The following SFMBT2 variants were observed in gnomAD, a reference collection of about 807,000 sequenced individuals.
SFMBT2 encodes scm-like with four MBT domains protein 2.
Under a neutral mutation model 110.1 loss-of-function variants are expected in SFMBT2, and 38 were observed. The observed-to-expected ratio is 0.35, with a 90% CI of 0.27 to 0.45. The LOEUF (loss-of-function observed/expected upper bound fraction) is 0.45, where lower values mean the gene tolerates loss of function less well. Among genes scored for constraint, SFMBT2 ranks in the 20% least tolerant of loss-of-function variants. The pLI is 1.00. For synonymous variants in SFMBT2, 425 were observed against 425.4 expected, an observed-to-expected ratio of 1.00 and a Z score of 0.01; for missense variants, 1,011 against 1,094.9, an observed-to-expected ratio of 0.92 and a Z score of 1.08.
intron 1 of SFMBT2, among the ~76,000 whole-genome samples, chr10:7,383,746 G>A (rs1316387999): frequency 2.6e-5 from 4 of 152,176 alleles, no homozygotes; most frequent in Non-Finnish European, 4.4e-5. Flanking sequence ...CACTTTCTCA[G>A]CACAGGGCCT....
In SFMBT2 at chr10:7,176,149, ATG is replaced by A; in HGVS notation, c.1823_1824del (p.Thr608IlefsTer12). 1 of 1,614,218 alleles carries A rather than the reference ATG, an allele frequency of 6.2e-7. No individual in the cohort carries two copies. Among genetic ancestry groups the A allele is most frequent in the South Asian group, 1.1e-5 (1 of 91,078 alleles). ...ETLKAKYRGK[T>X]YRAVVKIVRT... ...CGTACGATTTTGACCACAGCCCTGTATGTTTTGCCTCTGTATCTAGAAAATAG... is the reference window on the plus strand; with the variant it reads ...CGTACGATTTTGACCACAGCCCTGTATTTTGCCTCTGTATCTAGAAAATAG... On this transcript the variant is annotated frameshift_variant, in exon 17 of 21. Transcript: ENST00000397167. LOFTEE classifies it high-confidence loss of function.
At chr10:7,353,508 C>A (rs1017101333) in intron 4 of SFMBT2, among the ~76,000 whole-genome samples, 13 of 135,688 alleles carry the variant, frequency 9.6e-5, no homozygotes, top group Admixed American at 5.9e-4. Flanking sequence ...AAAAAAAAAA[C>A]ATCTTAATGG....
At chr10:7,296,727 C>T (rs1338140533) in intron 4 of SFMBT2, among the ~76,000 whole-genome samples, 1 of 152,186 alleles carries the variant, frequency 6.6e-6, no homozygotes. Context: ...AATGCGACTC[C>T]GGATTTTTCT....
At chr10:7,179,680 G>T (rs1267282454) in intron 16 of SFMBT2, among the ~76,000 whole-genome samples, 1 of 152,204 alleles carries the variant, frequency 6.6e-6, no homozygotes, top group Non-Finnish European at 1.5e-5. Context: ...GCAGAACAAG[G>T]CTCAAAGATG....
At chr10:7,189,709 C>T (rs1838537654) in intron 15 of SFMBT2, among the ~76,000 whole-genome samples, 1 of 152,198 alleles carries the variant, frequency 6.6e-6, no homozygotes, top group Non-Finnish European at 1.5e-5. Context: ...ACGCAGTGCC[C>T]ATGCCTCCTG....
chr10:7,186,578 G>C (rs1838419213), intron 16 of SFMBT2, among the ~76,000 whole-genome samples: 1 of 151,958 alleles, frequency 6.6e-6, no homozygotes, highest in Non-Finnish European at 1.5e-5. Flanking sequence ...CCAAAGTGCA[G>C]GGATTACAGT....
intron 1 of SFMBT2, among the ~76,000 whole-genome samples, chr10:7,395,574 C>T (rs796321235): frequency 3.3e-5 from 5 of 152,292 alleles, no homozygotes; most frequent in African/African-American, 1.2e-4. Context: ...TGCTAGACTT[C>T]TTCAATTTCC....
At position 7,204,218 on chromosome 10, in the gene SFMBT2, T is replaced by G. The variant is rs137912845; in HGVS notation, c.1444+1597A>C. 1,301 of 451,756 alleles carry G rather than the reference T, an allele frequency of 2.9e-3. 6 individuals carry two copies. Among genetic ancestry groups the G allele is most frequent in the Middle Eastern group, 0.02 (18 of 900 alleles). 28.0% of individuals were successfully genotyped at this position (451,756 alleles called of 1,614,324 possible). A position where few individuals can be genotyped will look rare whatever the true frequency, so the allele number is the denominator to read the frequency against. The stretch of plus-strand genomic sequence containing the variant: ...CTCTAATCTGAACTACCTGCTTGTT[T>G]CACACACATAATGTCCTCTGGTGCT... On this transcript the variant is annotated intron_variant, in intron 12 of 20. Transcript: ENST00000397167.
chr10:7,365,463 G>A (rs551476684), intron 4 of SFMBT2, among the ~76,000 whole-genome samples: 4 of 152,222 alleles, frequency 2.6e-5, no homozygotes, highest in African/African-American at 4.8e-5. Context: ...CAGGCAGCAC[G>A]TGCTAGAGCT....
intron 15 of SFMBT2, among the ~76,000 whole-genome samples, chr10:7,190,074 G>A (rs935816329): frequency 2.6e-5 from 4 of 152,110 alleles, no homozygotes; most frequent in East Asian, 1.9e-4. Context: ...GCCCGGCGAC[G>A]GCCTTTTCTC....
chr10:7,197,696 G>GA lies in SFMBT2; in HGVS notation c.1559-10dup. ...TTTCCCGTTGACGGTTCCTGCAGGGGACAGCAACATAGTCCATGCTTAGGA... is the reference window on the plus strand; with the variant it reads ...TTTCCCGTTGACGGTTCCTGCAGGGGAACAGCAACATAGTCCATGCTTAGGA... On this transcript the variant is annotated splice_polypyrimidine_tract_variant and intron_variant, in intron 14 of 20. Transcript: ENST00000397167. 6.2e-7 allele frequency: 1 copy of GA among 1,613,364 alleles called. No homozygotes were observed. The highest frequency in any genetic ancestry group is 8.5e-7 in the Non-Finnish European group (1 of 1,179,832).
At chr10:7,344,958 CAAAAAAAAAA>C (rs35145669) in intron 4 of SFMBT2, among the ~76,000 whole-genome samples, 1 of 53,244 alleles carries the variant, frequency 1.9e-5, no homozygotes, top group Admixed American at 2.0e-4. Flanking sequence ...GACTCTGTCT[CAAAAAAAAAA>C]AAAAAAAAAA....
At position 7,301,071 on chromosome 10, in the gene SFMBT2, G is replaced by A. The variant is rs189740256; in HGVS notation, c.437-15117C>T. ...GTAAGCAGGTAACTCAGTGAAGGAA[G>A]GAGTAAACCCCAGATACCGTGGAAG... On this transcript the variant is annotated intron_variant, in intron 4 of 20. Coordinates refer to ENST00000397167, the MANE Select transcript of SFMBT2 (RefSeq NM_001387889.1). This position sits in a 1 kb window ranked among gnomAD's most constrained non-coding sequence, Gnocchi z 4.2. 2.0e-4 allele frequency among the ~76,000 whole-genome samples: 31 copies of A among 152,324 alleles called. No individual in the cohort carries two copies. Among genetic ancestry groups the A allele is most frequent in the Non-Finnish European group, 4.0e-4 (27 of 68,028 alleles).
At position 7,319,221 on chromosome 10, in the gene SFMBT2, G is replaced by A. The variant is rs376818713; in HGVS notation, c.437-33267C>T. ...TCACTAAACCAAAATCATCAAGTTC[G>A]CAGTACTCCTGGGGTAAAAATACAG... On this transcript the variant is annotated intron_variant, in intron 4 of 20. Transcript: ENST00000397167. 1.1e-4 allele frequency among the ~76,000 whole-genome samples: 17 copies of A among 152,274 alleles called. No individual in the cohort carries two copies. The South Asian group carries it at 1.7e-3, about 15-fold the overall frequency.
Position 7,213,751 on chromosome 10 carries a change from G to A in SFMBT2, c.1330+6660C>T, listed in dbSNP as rs112562492. Among the ~76,000 whole-genome samples, 523 of 151,202 alleles carry A rather than the reference G, an allele frequency of 3.5e-3. 3 individuals carry two copies. Among genetic ancestry groups the A allele is most frequent in the African/African-American group, 0.012 (507 of 41,056 alleles). ...GGCGCGGGCACTCAGATCCGTGTGC[G>A]AGGCCATGGGCGCGGGCACTCAGAT... On this transcript the variant is annotated intron_variant, in intron 11 of 20. Transcript: ENST00000397167.
intron 4 of SFMBT2, among the ~76,000 whole-genome samples, chr10:7,366,173 G>A (rs771385268): frequency 2.0e-5 from 3 of 152,066 alleles, no homozygotes; most frequent in Non-Finnish European, 2.9e-5. Context: ...CTCAGCATAG[G>A]AAAGAGCGGG....
At chr10:7,385,675 G>A (rs546170686) in intron 1 of SFMBT2, among the ~76,000 whole-genome samples, 4 of 152,120 alleles carry the variant, frequency 2.6e-5, no homozygotes, top group African/African-American at 7.2e-5. Context: ...ACACTCAAAC[G>A]AGCTAAGGCA....
At chr10:7,273,280 GT>G (rs1841659184) in intron 7 of SFMBT2, among the ~76,000 whole-genome samples, 1 of 152,192 alleles carries the variant, frequency 6.6e-6, no homozygotes, top group African/African-American at 2.4e-5. Context: ...GACCAAGATT[GT>G]TAACAATATT....
At chr10:7,256,986 G>A (rs1223195700) in intron 7 of SFMBT2, among the ~76,000 whole-genome samples, 3 of 151,740 alleles carry the variant, frequency 2.0e-5, no homozygotes, top group Admixed American at 2.0e-4. Context: ...CAGCTACTGC[G>A]GAGGCTGAGG....
Sources: gnomAD v4.1 joint callset for allele counts (sites outside exome capture counted in the v4.1 genomes callset) on GRCh38, gnomAD v4.1.1 for gene constraint, Gnocchi (gnomAD v3.1) non-coding constraint, MANE v1.5 for transcripts, NCBI Gene and HGNC (gene_info 2026-07-23, HGNC 2026-07-21) for gene names.